The following IRAG2 variants were observed in gnomAD, a reference collection of about 807,000 sequenced individuals.
IRAG2 encodes inositol 1,4,5-triphosphate receptor associated 2.
Under a neutral mutation model 69.9 loss-of-function variants are expected in IRAG2, and 45 were observed. That is an observed-to-expected ratio of 0.64 (90% CI 0.51 to 0.83). IRAG2 has a LOEUF of 0.83. IRAG2 is among the 40% of genes least tolerant of loss of function. The probability of loss-of-function intolerance (pLI) is 0.00; values close to 1 mark genes in which losing one functional copy is unlikely to be tolerated. For missense variants in IRAG2, 520 were observed against 587.0 expected (o/e 0.89, Z 1.18); for synonymous variants, 193 against 202.4 (o/e 0.95, Z 0.40).
intron 6 of IRAG2, among the ~76,000 whole-genome samples, chr12:25,018,109 G>A (rs1043479623): frequency 6.7e-6 from 1 of 150,276 alleles, no homozygotes; most frequent in Non-Finnish European, 1.5e-5. Flanking sequence ...CATTTGGAGT[G>A]TTTCCACTCT....
At position 25,062,901 on chromosome 12, in the gene IRAG2, G is replaced by C; in HGVS notation, c.-304+1G>C. On this transcript the variant is annotated splice_donor_variant, in intron 3 of 21. Transcript: ENST00000556887. LOFTEE classifies it low-confidence loss of function (5UTR_SPLICE). Reference sequence around the variant, plus strand: ...TCAACAACCTCTTCAAGAAAAATTGGTAATTGCGAGCTTTTTGAAATTATT... The same window carrying C: ...TCAACAACCTCTTCAAGAAAAATTGCTAATTGCGAGCTTTTTGAAATTATT... The C allele has an allele frequency of 7.5e-6, 3 of 398,912 alleles. No homozygotes were observed. The highest frequency in any genetic ancestry group is 1.3e-4 in the South Asian group (1 of 7,860). 24.7% of individuals were successfully genotyped at this position (398,912 alleles called of 1,614,324 possible).
intron 10 of IRAG2, among the ~76,000 whole-genome samples, chr12:25,087,153 CTTTTTTTTTTTT>C (rs780510333): frequency 1.3e-4 from 10 of 76,656 alleles, no homozygotes; most frequent in South Asian, 6.0e-4. Flanking sequence ...ACTCTCCTTC[CTTTTTTTTTTTT>C]TTTTTTTTTT....
At chr12:25,015,088 G>GAAAAAA in intron 3 of IRAG2, 1,181 of 50,822 alleles carry the variant, frequency 0.023, 155 homozygotes, top group African/African-American at 0.064. Flanking sequence ...GCATAAATCT[G>GAAAAAA]AAAAAAAAAA....
chr12:25,045,862 AAAAAAGG>A (rs1944789181), intron 16 of IRAG2, among the ~76,000 whole-genome samples: 1 of 151,676 alleles, frequency 6.6e-6, no homozygotes, highest in African/African-American at 2.4e-5. Flanking sequence ...AAAAAAAAAA[AAAAAAGG>A]AAAGGAAAAG....
chr12:25,017,633 G>T (rs569146527), intron 6 of IRAG2, among the ~76,000 whole-genome samples: 6 of 151,804 alleles, frequency 4.0e-5, no homozygotes, highest in African/African-American at 1.5e-4. Context: ...CAAGAAAATC[G>T]CTTGAATCTG....
chr12:25,077,643 G>A (rs1446182828), intron 6 of IRAG2, among the ~76,000 whole-genome samples: 2 of 151,622 alleles, frequency 1.3e-5, no homozygotes, highest in Non-Finnish European at 2.9e-5. Context: ...CTTGGCCTAC[G>A]GGCTTCTTCA....
Position 25,079,779 on chromosome 12 carries a change from G to T in IRAG2, c.244+16G>T, listed in dbSNP as rs1565566708. On this transcript the variant is annotated intron_variant, in intron 9 of 21. Coordinates refer to ENST00000556887, the MANE Select transcript of IRAG2 (RefSeq NM_001366544.2). The stretch of plus-strand genomic sequence containing the variant: ...GAGGCCCAAGGTAAAATGTTGACAG[G>T]TGTAAGCATGATTTTAATTCTAAAA... 4 of 1,514,896 alleles carry T rather than the reference G, an allele frequency of 2.6e-6. No individual in the cohort carries two copies. Among genetic ancestry groups the T allele is most frequent in the Non-Finnish European group, 3.7e-6 (4 of 1,090,468 alleles). The allele number at this position is 1,514,896 out of a possible 1,614,324, so 93.8% of individuals were successfully genotyped here. A position where few individuals can be genotyped will look rare whatever the true frequency, so the allele number is the denominator to read the frequency against.
chr12:25,096,817 A>T, intron 14 of IRAG2, 93 bp from the exon 15 acceptor site: 2 of 881,948 alleles, frequency 2.3e-6, no homozygotes, highest in Non-Finnish European at 3.4e-6. Context: ...AATTGAGATT[A>T]GAATGTCATC....
upstream of IRAG2, among the ~76,000 whole-genome samples, chr12:25,050,527 C>CAAAAAAAAAAAAAAAAAAAAAAAAAA (rs747761089): frequency 2.1e-5 from 1 of 47,882 alleles, no homozygotes; most frequent in African/African-American, 4.4e-5. Flanking sequence ...GACTCCGTCT[C>CAAAAAAAAAAAAAAAAAAAAAAAAAA]AAAAAAAACA....
At chr12:25,104,834 G>A (rs566378434) in intron 20 of IRAG2, among the ~76,000 whole-genome samples, 31 of 151,884 alleles carry the variant, frequency 2.0e-4, no homozygotes, top group East Asian at 3.9e-4. Flanking sequence ...TATAACGTAC[G>A]TATTATATAA....
chr12:25,042,301 G>A (rs1433180786), intron 16 of IRAG2, among the ~76,000 whole-genome samples: 1 of 152,066 alleles, frequency 6.6e-6, no homozygotes, highest in Admixed American at 6.5e-5. Flanking sequence ...GATGCAGACT[G>A]GAATAGAAAT....
chr12:25,013,455 G>A (rs926828726), intron 3 of IRAG2, among the ~76,000 whole-genome samples: 5 of 152,304 alleles, frequency 3.3e-5, no homozygotes, highest in African/African-American at 1.2e-4. Context: ...TTCAGCCTGG[G>A]CAAGAGAGCA....
intron 14 of IRAG2, chr12:25,092,937 G>C (rs1179330020): frequency 1.3e-5 from 2 of 154,500 alleles, no homozygotes; most frequent in East Asian, 1.9e-4. Context: ...AACCAAAGCA[G>C]CTCATCCTGG....
rs753198394 is a variant in IRAG2, at chr12:25,088,116, C to A, written c.332C>A (p.Pro111Gln). Reference sequence around the variant, plus strand: ...TGATTTTAGGAAGCCAAAGAGGAACCAGAAACAATAGAAGAACATAAAAAA... The same window carrying A: ...TGATTTTAGGAAGCCAAAGAGGAACAAGAAACAATAGAAGAACATAAAAAA... ...TILNLEAKEEPETIEEHKKEH... is the reference protein window; with the variant it reads ...TILNLEAKEEQETIEEHKKEH... The change falls in exon 11 of 22, where the codon CCA becomes CAA. Residue 111 changes from proline (P) to glutamine (Q), a missense_variant. Coordinates refer to ENST00000556887, the MANE Select transcript of IRAG2 (RefSeq NM_001366544.2). 2 of 1,612,834 alleles carry A rather than the reference C, an allele frequency of 1.2e-6. No homozygotes were observed. Among genetic ancestry groups the A allele is most frequent in the South Asian group, 2.2e-5 (2 of 91,046 alleles).
intron 21 of IRAG2, 30 bp downstream of exon 21, chr12:25,107,080 T>C (rs763051068): frequency 1.5e-6 from 2 of 1,291,728 alleles, no homozygotes; most frequent in Middle Eastern, 1.9e-4. Context: ...AATTCTACCA[T>C]TTTAGTGGAA....
chr12:25,041,140 T>C (rs541292619), intron 16 of IRAG2, among the ~76,000 whole-genome samples: 1 of 152,114 alleles, frequency 6.6e-6, no homozygotes, highest in South Asian at 2.1e-4. Flanking sequence ...CCTGAGGTTG[T>C]AGTGAGCTTG....
intron 15 of IRAG2, among the ~76,000 whole-genome samples, chr12:25,097,977 T>C (rs1441026979): frequency 6.6e-6 from 1 of 152,186 alleles, no homozygotes; most frequent in East Asian, 1.9e-4. Flanking sequence ...CGAAGACAAA[T>C]ATTTAGTTCT....
intron 6 of IRAG2, among the ~76,000 whole-genome samples, chr12:25,018,485 A>T (rs1257593024): frequency 6.6e-6 from 1 of 151,974 alleles, no homozygotes; most frequent in Non-Finnish European, 1.5e-5. Flanking sequence ...GGATTACAGG[A>T]GGGGGAGCCA....
At chr12:25,104,495 C>T (rs7316187) in intron 20 of IRAG2, 33 bp downstream of exon 20, 54,158 of 1,180,692 alleles carry the variant, frequency 0.046, 6,826 homozygotes, top group African/African-American at 0.42. Context: ...ATTAACCTGA[C>T]ATGAACTGGG....
Sources: gnomAD v4.1 joint callset for allele counts (sites outside exome capture counted in the v4.1 genomes callset) on GRCh38, gnomAD v4.1.1 for gene constraint, MANE v1.5 for transcripts, NCBI Gene and HGNC (gene_info 2026-07-23, HGNC 2026-07-21) for gene names.